GRM7: variants seen among roughly 807,000 people sequenced by gnomAD.
GRM7 encodes glutamate metabotropic receptor 7.
GRM7 carries 35 observed loss-of-function variants against 84.5 expected under a neutral mutation model. The ratio of observed to expected loss-of-function variants is 0.41; its 90% CI spans 0.32 to 0.55. The LOEUF is 0.55. Ranked by LOEUF, GRM7 falls within the 20% of genes least tolerant of loss-of-function variation. GRM7 has a pLI of 0.19. For synonymous variants in GRM7, 487 were observed against 455.1 expected (o/e 1.07, Z -0.89); for missense variants, 1,003 against 1,194.6 (o/e 0.84, Z 2.36).
intron 6 of GRM7, among the ~76,000 whole-genome samples, chr3:7,455,952 A>G (rs1291441888): frequency 6.6e-6 from 1 of 152,142 alleles, no homozygotes; most frequent in Non-Finnish European, 1.5e-5. Flanking sequence ...ATCTGAATGA[A>G]GAGGCACCAC....
Position 6,861,484 on chromosome 3 carries a change from G to C in GRM7, c.96G>C (p.Ala32=). ...TCCTGTGCGCGCTGGCGGCGGCGGC[G>C]CGCGGCCAGGAGATGTACGCCCCGC... is the stretch of plus-strand genomic sequence containing the variant. ...EVLLCALAAA[A]RGQEMYAPHS... Residue 32 remains alanine, a synonymous_variant, in exon 1 of 10, where the codon GCG becomes GCC. Coordinates refer to ENST00000357716, the MANE Select transcript of GRM7 (RefSeq NM_000844.4). This position sits in a 1 kb window ranked among gnomAD's most constrained non-coding sequence, Gnocchi z 6.4. 1 of 1,477,848 alleles carries C rather than the reference G, an allele frequency of 6.8e-7. No homozygotes were observed. Among genetic ancestry groups the C allele is most frequent in the South Asian group, 1.2e-5 (1 of 84,434 alleles). The allele number at this position is 1,477,848 out of a possible 1,614,324, so 91.5% of individuals were successfully genotyped here.
intron 7 of GRM7, among the ~76,000 whole-genome samples, chr3:7,512,507 C>T (rs1245089971): frequency 6.6e-6 from 1 of 151,420 alleles, no homozygotes; most frequent in Non-Finnish European, 1.5e-5. Context: ...TTTTTGAGTT[C>T]CAGAGAAAGA....
At chr3:7,604,146 A>G (rs1025045222) in intron 8 of GRM7, among the ~76,000 whole-genome samples, 5 of 152,098 alleles carry the variant, frequency 3.3e-5, no homozygotes, top group African/African-American at 1.2e-4. Flanking sequence ...AAAAAAAAAA[A>G]AAAGCATAAC....
chr3:7,452,867 G>A lies in GRM7; in HGVS notation c.1375+60G>A, dbSNP rs149410668. The A allele has an allele frequency of 4.7e-4, 474 of 998,166 alleles. 2 individuals are homozygous for A. The African/African-American group carries it at 5.6e-3, about 12-fold the overall frequency. 61.8% of individuals were successfully genotyped at this position (998,166 alleles called of 1,614,324 possible). A position where few individuals can be genotyped will look rare whatever the true frequency, so the allele number is the denominator to read the frequency against. Reference sequence around the variant, plus strand: ...TAAGTGTTGGCATTCTGTTTCATAAGTTTTAAATGTCTATTATTATTTACT... The same window carrying A: ...TAAGTGTTGGCATTCTGTTTCATAAATTTTAAATGTCTATTATTATTTACT... On this transcript the variant is annotated intron_variant, in intron 6 of 9. Coordinates refer to ENST00000357716, the MANE Select transcript of GRM7 (RefSeq NM_000844.4).
chr3:7,591,235 T>C (rs1396525701), intron 8 of GRM7, among the ~76,000 whole-genome samples: 2 of 152,106 alleles, frequency 1.3e-5, no homozygotes, highest in African/African-American at 2.4e-5. Context: ...CTGTTAAACA[T>C]AAAAAAGACT....
At chr3:7,557,407 A>C (rs1434171160) in intron 7 of GRM7, among the ~76,000 whole-genome samples, 3 of 152,194 alleles carry the variant, frequency 2.0e-5, no homozygotes, top group Non-Finnish European at 4.4e-5. Flanking sequence ...TTGCAGTTTG[A>C]ATATATTTTG....
At chr3:7,259,990 G>T (rs1698358787) in intron 2 of GRM7, among the ~76,000 whole-genome samples, 2 of 100,264 alleles carry the variant, frequency 2.0e-5, no homozygotes, top group South Asian at 6.0e-4. Flanking sequence ...AGCCATCTGG[G>T]TGGGTGTGAG....
intron 1 of GRM7, among the ~76,000 whole-genome samples, chr3:7,052,577 G>A (rs1202390357): frequency 1.4e-5 from 2 of 144,486 alleles, no homozygotes; most frequent in Non-Finnish European, 3.0e-5. Flanking sequence ...ACACAGACAA[G>A]TCTGTGACCA....
At position 7,234,069 on chromosome 3, in the gene GRM7, AATAAAAT is replaced by A. The variant is rs1244731237; in HGVS notation, c.737-64609_737-64603del. Among the ~76,000 whole-genome samples, 20 of 152,314 alleles carry A rather than the reference AATAAAAT, an allele frequency of 1.3e-4. No homozygotes were observed. The East Asian group carries it at 2.9e-3, about 22-fold the overall frequency. ...AATGTTTTTAATATAGCTTTAGATG[AATAAAAT>A]ATAAATCTTTATAATAACCAAAAAA... is the stretch of plus-strand genomic sequence containing the variant. On this transcript the variant is annotated intron_variant, in intron 2 of 9. Coordinates refer to ENST00000357716, the MANE Select transcript of GRM7 (RefSeq NM_000844.4).
At chr3:6,875,404 G>T (rs1400300407) in intron 1 of GRM7, among the ~76,000 whole-genome samples, 2 of 152,098 alleles carry the variant, frequency 1.3e-5, no homozygotes, top group African/African-American at 4.8e-5. Context: ...CCCCCATACT[G>T]TTCTCTTGGT....
chr3:7,432,273 A>C (rs1696861266), intron 5 of GRM7, among the ~76,000 whole-genome samples: 1 of 152,218 alleles, frequency 6.6e-6, no homozygotes, highest in South Asian at 2.1e-4. Context: ...AGTGAACGCC[A>C]GTGTAAACAA....
intron 9 of GRM7, among the ~76,000 whole-genome samples, chr3:7,715,999 C>T (rs1701759829): frequency 6.6e-6 from 1 of 152,106 alleles, no homozygotes. Context: ...TATTCTCACC[C>T]CCTTCTAATT....
chr3:7,003,151 A>G (rs1202385294), intron 1 of GRM7, among the ~76,000 whole-genome samples: 1 of 152,202 alleles, frequency 6.6e-6, no homozygotes, highest in Non-Finnish European at 1.5e-5. Context: ...GACTAAAGGA[A>G]CACAATTTAG....
intron 1 of GRM7, among the ~76,000 whole-genome samples, chr3:7,137,882 C>T (rs1287345358): frequency 6.6e-6 from 1 of 152,030 alleles, no homozygotes; most frequent in Non-Finnish European, 1.5e-5. Context: ...AAATTACTGT[C>T]AGTTCATTCA....
At chr3:7,398,331 T>C (rs1695300143) in intron 4 of GRM7, among the ~76,000 whole-genome samples, 1 of 152,172 alleles carries the variant, frequency 6.6e-6, no homozygotes, top group Admixed American at 6.5e-5. Context: ...AGATAATTTA[T>C]GGAAGTTATA....
intron 4 of GRM7, among the ~76,000 whole-genome samples, chr3:7,399,278 C>T (rs1695348012): frequency 6.6e-6 from 1 of 152,062 alleles, no homozygotes; most frequent in South Asian, 2.1e-4. Flanking sequence ...GATCCAATCA[C>T]CCCATCTCAG....
At chr3:7,293,008 T>C (rs1234156765) in intron 2 of GRM7, among the ~76,000 whole-genome samples, 2 of 134,828 alleles carry the variant, frequency 1.5e-5, no homozygotes, top group Non-Finnish European at 3.1e-5. Context: ...CACTGCAGCC[T>C]GGGGGACAAG....
chr3:7,424,339 C>A (rs1339325722), intron 5 of GRM7, among the ~76,000 whole-genome samples: 1 of 152,000 alleles, frequency 6.6e-6, no homozygotes, highest in Non-Finnish European at 1.5e-5. Context: ...CAGGGCTCCT[C>A]CATGACTTAA....
chr3:7,208,758 G>C (rs1430142057), intron 2 of GRM7, among the ~76,000 whole-genome samples: 2 of 152,148 alleles, frequency 1.3e-5, no homozygotes, highest in Admixed American at 1.3e-4. Flanking sequence ...ACTCCATACT[G>C]CTCTGCAATT....
Sources: allele counts gnomAD v4.1 joint callset (sites outside exome capture counted in the v4.1 genomes callset), GRCh38; gene constraint gnomAD v4.1.1; non-coding constraint Gnocchi (gnomAD v3.1); transcripts MANE v1.5; gene names NCBI Gene and HGNC (gene_info 2026-07-23, HGNC 2026-07-21).